Variants in STXBP4 observed in about 807,000 individuals in gnomAD.
STXBP4 encodes the protein syntaxin-binding protein 4.
Under a neutral mutation model 76.1 loss-of-function variants are expected in STXBP4, and 55 were observed. The observed-to-expected ratio is 0.72, with a 90% CI of 0.58 to 0.91. The LOEUF (loss-of-function observed/expected upper bound fraction) is 0.91. STXBP4 is among the 40% of genes least tolerant of loss of function. The pLI is 0.00. For missense variants in STXBP4, 618 were observed against 636.9 expected, an observed-to-expected ratio of 0.97 and a Z score of 0.32; for synonymous variants, 201 against 220.2, an observed-to-expected ratio of 0.91 and a Z score of 0.77.
chr17:55,021,177 T>C (rs896363441), intron 8 of STXBP4, among the ~76,000 whole-genome samples: 1 of 152,116 alleles, frequency 6.6e-6, no homozygotes, highest in South Asian at 2.1e-4. Context: ...CTCCCTGCAT[T>C]AGGCCCTAGG....
intron 13 of STXBP4, among the ~76,000 whole-genome samples, chr17:55,073,954 T>C (rs553945967): frequency 2.6e-5 from 4 of 152,256 alleles, no homozygotes; most frequent in African/African-American, 9.6e-5. Flanking sequence ...ATGCAATTTT[T>C]TTTTACATAA....
intron 8 of STXBP4, among the ~76,000 whole-genome samples, chr17:55,027,870 T>C (rs2078443112): frequency 6.6e-6 from 1 of 152,190 alleles, no homozygotes; most frequent in South Asian, 2.1e-4. Context: ...TTTATGCTGC[T>C]TAAGTGGATT....
At chr17:55,111,165 C>A (rs376689143) in intron 16 of STXBP4, among the ~76,000 whole-genome samples, 3 of 152,114 alleles carry the variant, frequency 2.0e-5, no homozygotes, top group East Asian at 3.9e-4. Context: ...TCTCTAGTAG[C>A]CTTCAATACA....
At chr17:55,133,455 C>A (rs1166357912) in intron 16 of STXBP4, among the ~76,000 whole-genome samples, 1 of 151,952 alleles carries the variant, frequency 6.6e-6, no homozygotes, top group Non-Finnish European at 1.5e-5. Context: ...GGAGAGAGGT[C>A]CAGACTGGGG....
intron 8 of STXBP4, among the ~76,000 whole-genome samples, chr17:55,027,553 A>G (rs576391460): frequency 6.6e-6 from 1 of 152,208 alleles, no homozygotes; most frequent in East Asian, 1.9e-4. Context: ...CTTGTATCCC[A>G]AAAGCTATTG....
intron 1 of STXBP4, among the ~76,000 whole-genome samples, chr17:54,970,842 C>T (rs765798516): frequency 2.6e-5 from 4 of 152,112 alleles, no homozygotes; most frequent in African/African-American, 4.8e-5. Context: ...CTCTTATGTA[C>T]AGTGATATTG....
At chr17:55,000,557 G>A (rs1441182680) in intron 6 of STXBP4, among the ~76,000 whole-genome samples, 4 of 152,134 alleles carry the variant, frequency 2.6e-5, no homozygotes, top group Admixed American at 2.6e-4. Context: ...GTCACTTGGA[G>A]CTATAATACT....
chr17:55,045,889 A>G (rs531679960), intron 11 of STXBP4, among the ~76,000 whole-genome samples: 2 of 152,216 alleles, frequency 1.3e-5, no homozygotes, highest in South Asian at 4.1e-4. Flanking sequence ...TTCTACTTGT[A>G]TTATACACTC....
chr17:55,183,727 G>T, the STXBP4 span, among the ~76,000 whole-genome samples: 1 of 152,108 alleles, frequency 6.6e-6, no homozygotes, highest in East Asian at 1.9e-4. Flanking sequence ...TGAAAGAAAG[G>T]TAGTATCACT....
At position 55,166,604 on chromosome 17, in the gene STXBP4, T is replaced by G. The variant is rs1389836111; in HGVS notation, c.*6693T>G. 6.6e-6 allele frequency: 1 copy of G among 152,236 alleles called. No homozygotes were observed. The highest frequency in any genetic ancestry group is 1.5e-5 in the Non-Finnish European group (1 of 68,070). 9.4% of individuals were successfully genotyped at this position (152,236 alleles called of 1,614,324 possible). A position where few individuals can be genotyped will look rare whatever the true frequency, so the allele number is the denominator to read the frequency against. On this transcript the variant is annotated 3_prime_UTR_variant, in exon 18 of 18. Transcript: ENST00000376352. ...CTCATACATCAAGATTCTGCTCTCA[T>G]TTTACCTCTTCTTTGAAGAGCTCCT... is the stretch of plus-strand genomic sequence containing the variant.
At chr17:55,117,096 T>C (rs2079789366) in intron 16 of STXBP4, among the ~76,000 whole-genome samples, 1 of 151,878 alleles carries the variant, frequency 6.6e-6, no homozygotes, top group East Asian at 1.9e-4. Context: ...CTTTTGTGTG[T>C]ACGTGAATTT....
chr17:55,116,092 A>T (rs1357918958), intron 16 of STXBP4, among the ~76,000 whole-genome samples: 1 of 151,832 alleles, frequency 6.6e-6, no homozygotes, highest in South Asian at 2.1e-4. Flanking sequence ...TATCTGAGCT[A>T]CTTATGTCTC....
At chr17:54,999,523 T>G in intron 5 of STXBP4, 72 bp downstream of exon 5, 1 of 1,454,488 alleles carries the variant, frequency 6.9e-7, no homozygotes, top group Non-Finnish European at 9.4e-7. Context: ...TTAAGATGTA[T>G]TAAGTACTTT....
intron 12 of STXBP4, among the ~76,000 whole-genome samples, chr17:55,058,033 A>G (rs1304716671): frequency 6.6e-6 from 1 of 152,096 alleles, no homozygotes; most frequent in Non-Finnish European, 1.5e-5. Flanking sequence ...ATGTGTCTTT[A>G]TAGTAGAATG....
At chr17:55,007,334 C>G (rs1256657620) in intron 7 of STXBP4, among the ~76,000 whole-genome samples, 172 bp from the exon 8 acceptor site, 1 of 143,452 alleles carries the variant, frequency 7.0e-6, no homozygotes, top group East Asian at 2.1e-4. Context: ...ACTCTGTCCC[C>G]CCTCCAAAAA....
rs1342395291 is a variant in STXBP4 at position 55,163,158 on chromosome 17, G to A, written c.*3247G>A. 6.7e-6 allele frequency: 1 copy of A among 150,326 alleles called. No individual in the cohort carries two copies. The highest frequency in any genetic ancestry group is 1.9e-4 in the East Asian group (1 of 5,152). The allele number at this position is 150,326 out of a possible 1,614,324, so 9.3% of individuals were successfully genotyped here. The stretch of plus-strand genomic sequence containing the variant: ...ACATTACCACCAATAGTGTATGTGA[G>A]CCTTATTTTTATGTATGATAGGACT... On this transcript the variant is annotated 3_prime_UTR_variant, in exon 18 of 18. Transcript: ENST00000376352.
intron 13 of STXBP4, among the ~76,000 whole-genome samples, chr17:55,073,970 A>G (rs2079151770): frequency 6.6e-6 from 1 of 152,072 alleles, no homozygotes; most frequent in Non-Finnish European, 1.5e-5. Flanking sequence ...CATAATACAT[A>G]CTATATTCAG....
chr17:55,078,397 CAAG>C (rs1480534523), intron 14 of STXBP4, among the ~76,000 whole-genome samples: 1 of 152,086 alleles, frequency 6.6e-6, no homozygotes, highest in Non-Finnish European at 1.5e-5. Flanking sequence ...ATAATTGAGA[CAAG>C]GTGATGGGAT....
rs147097225 is a variant in STXBP4, at chr17:55,067,557, A to G, written c.1012-5343A>G. Among the ~76,000 whole-genome samples the G allele has an allele frequency of 4.6e-3, 701 of 152,322 alleles. 4 individuals are homozygous for G. Among genetic ancestry groups the G allele is most frequent in the Middle Eastern group, 6.8e-3 (2 of 294 alleles). ...GTTAAGTGGACTAAAGCTAGTAAGT[A>G]GGTTGATTTGGAATAGGTAGTAGAG... On this transcript the variant is annotated intron_variant, in intron 12 of 17. Transcript: ENST00000376352.
Sources: allele counts gnomAD v4.1 joint callset (sites outside exome capture counted in the v4.1 genomes callset), GRCh38; gene constraint gnomAD v4.1.1; transcripts MANE v1.5; gene names NCBI Gene and HGNC (gene_info 2026-07-23, HGNC 2026-07-21).